Variants in SEMA3D observed in about 807,000 individuals in gnomAD.
The protein encoded by SEMA3D is semaphorin-3D.
In SEMA3D, 84 loss-of-function variants were observed where a neutral mutation model predicts 100.1. The ratio of observed to expected loss-of-function variants is 0.84; its 90% CI spans 0.70 to 1.01. The LOEUF (loss-of-function observed/expected upper bound fraction) is 1.01. Among genes scored for constraint, SEMA3D ranks in the 50% least tolerant of loss-of-function variants. The pLI, the probability that SEMA3D is intolerant of heterozygous loss-of-function variation, is 0.00. For synonymous variants in SEMA3D, 312 were observed against 320.7 expected (o/e 0.97, Z 0.29); for missense variants, 875 against 934.1 (o/e 0.94, Z 0.82).
chr7:85,151,844 T>G, intron 2 of SEMA3D: 3 of 436,358 alleles, frequency 6.9e-6, no homozygotes, highest in South Asian at 9.8e-5. Context: ...TAAAAAAAAG[T>G]TTTTTGACCT....
chr7:85,160,049 T>C (rs1790704377), intron 1 of SEMA3D: 1 of 941,878 alleles, frequency 1.1e-6, no homozygotes, highest in Admixed American at 6.2e-5. Flanking sequence ...TGTTATTTTA[T>C]TGAACTGCAA....
intron 3 of SEMA3D, among the ~76,000 whole-genome samples, chr7:85,108,504 T>C (rs1583931045): frequency 6.6e-6 from 1 of 152,222 alleles, no homozygotes; most frequent in East Asian, 1.9e-4. Flanking sequence ...AGGATTCTTG[T>C]TGAAATACAG....
chr7:85,236,281 T>TTTTATTTTATTTATTTA, the SEMA3D span, among the ~76,000 whole-genome samples: 2 of 131,976 alleles, frequency 1.5e-5, no homozygotes, highest in Non-Finnish European at 3.0e-5. Flanking sequence ...TTTTATTTTA[T>TTTTATTTTATTTATTTA]TTTATTTATT....
intron 18 of SEMA3D, among the ~76,000 whole-genome samples, chr7:85,001,699 C>A (rs1326961760): frequency 6.6e-6 from 1 of 152,134 alleles, no homozygotes; most frequent in African/African-American, 2.4e-5. Context: ...GGTGGCACAG[C>A]ATATGGTGTG....
At chr7:85,080,566 CTA>C (rs886913793) in intron 5 of SEMA3D, among the ~76,000 whole-genome samples, 17 of 152,224 alleles carry the variant, frequency 1.1e-4, no homozygotes, top group African/African-American at 4.1e-4. Flanking sequence ...CTCAAGATGT[CTA>C]TGTTTCTGCC....
chr7:85,076,260 G>T (rs6974210), intron 5 of SEMA3D, among the ~76,000 whole-genome samples: 1 of 152,002 alleles, frequency 6.6e-6, no homozygotes, highest in African/African-American at 2.4e-5. Context: ...AAAGAAAAAG[G>T]GAAGAGGGGG....
chr7:85,022,736 A>G, intron 12 of SEMA3D, 123 bp from the exon 13 acceptor site: 1 of 666,274 alleles, frequency 1.5e-6, no homozygotes, highest in Non-Finnish European at 2.7e-6. Context: ...AACAGAGTCA[A>G]TATGGAATCA....
intron 5 of SEMA3D, 31 bp downstream of exon 5, chr7:85,081,486 A>G: frequency 7.0e-7 from 1 of 1,435,552 alleles, no homozygotes; most frequent in Non-Finnish European, 9.8e-7. Flanking sequence ...TAGAAGTTTT[A>G]CAAAGATAAT....
At chr7:85,196,963 A>C in the SEMA3D span, among the ~76,000 whole-genome samples, 3 of 152,186 alleles carry the variant, frequency 2.0e-5, no homozygotes, top group Non-Finnish European at 4.4e-5. Flanking sequence ...ATTCCTGTTT[A>C]AGAGGTCTGG....
At chr7:85,179,467 G>T (rs1791333215) in intron 1 of SEMA3D, among the ~76,000 whole-genome samples, 1 of 152,132 alleles carries the variant, frequency 6.6e-6, no homozygotes. Flanking sequence ...AAGGTTTAAT[G>T]ACTACTTTAT....
chr7:85,076,949 A>G (rs1159555921), intron 5 of SEMA3D, among the ~76,000 whole-genome samples: 1 of 152,016 alleles, frequency 6.6e-6, no homozygotes, highest in Admixed American at 6.6e-5. Context: ...AAATACAAAG[A>G]AAAAGAAATA....
intron 7 of SEMA3D, among the ~76,000 whole-genome samples, chr7:85,066,745 A>G (rs766993683): frequency 1.7e-4 from 26 of 152,236 alleles, no homozygotes; most frequent in Non-Finnish European, 3.5e-4. Flanking sequence ...TCAGAAACAT[A>G]TCTTTAAAAT....
At chr7:85,180,792 G>C (rs906182807) in intron 1 of SEMA3D, among the ~76,000 whole-genome samples, 1 of 152,020 alleles carries the variant, frequency 6.6e-6, no homozygotes, top group Admixed American at 6.5e-5. Flanking sequence ...ATTACATTTA[G>C]TTCTCATATC....
At chr7:85,150,822 C>T (rs1032758818) in intron 2 of SEMA3D, among the ~76,000 whole-genome samples, 1 of 151,960 alleles carries the variant, frequency 6.6e-6, no homozygotes, top group Non-Finnish European at 1.5e-5. Flanking sequence ...AATTAAGCCA[C>T]ACTGGAAAGG....
At chr7:85,068,944 C>T (rs940416575) in intron 6 of SEMA3D, among the ~76,000 whole-genome samples, 4 of 152,074 alleles carry the variant, frequency 2.6e-5, no homozygotes, top group Non-Finnish European at 5.9e-5. Context: ...GACAGAATGA[C>T]ATTGGCAGAC....
At chr7:85,049,005 T>A (rs1791084458) in intron 9 of SEMA3D, among the ~76,000 whole-genome samples, 1 of 151,852 alleles carries the variant, frequency 6.6e-6, no homozygotes, top group African/African-American at 2.4e-5. Flanking sequence ...TGCTCTTTAC[T>A]GTTTTCAAAA....
the SEMA3D span, among the ~76,000 whole-genome samples, chr7:85,238,092 C>T: frequency 3.3e-5 from 5 of 152,234 alleles, no homozygotes; most frequent in South Asian, 4.2e-4. Context: ...GTATTTTGCA[C>T]GTTTCTTTTA....
intron 3 of SEMA3D, among the ~76,000 whole-genome samples, chr7:85,113,544 G>A (rs1385815302): frequency 1.3e-5 from 2 of 150,940 alleles, no homozygotes; most frequent in African/African-American, 2.4e-5. Flanking sequence ...AGGCCGAGGT[G>A]GGCAGATCAC....
At chr7:85,110,607 T>C (rs1028507035) in intron 3 of SEMA3D, among the ~76,000 whole-genome samples, 12 of 152,064 alleles carry the variant, frequency 7.9e-5, no homozygotes, top group Admixed American at 5.9e-4. Flanking sequence ...AAGCCACTTT[T>C]ATTAATACAT....
Sources: allele counts gnomAD v4.1 joint callset (sites outside exome capture counted in the v4.1 genomes callset), GRCh38; gene constraint gnomAD v4.1.1; transcripts MANE v1.5; gene names NCBI Gene and HGNC (gene_info 2026-07-23, HGNC 2026-07-21).